The following ZNF202 variants were observed in gnomAD, a reference collection of about 807,000 sequenced individuals.
ZNF202 encodes the protein zinc finger protein with KRAB and SCAN domains 10.
In ZNF202, 22 loss-of-function variants were observed where a neutral mutation model predicts 54.5. That is an observed-to-expected ratio of 0.40 (90% CI 0.29 to 0.58). ZNF202 has a LOEUF of 0.58. Among genes scored for constraint, ZNF202 ranks in the 20% least tolerant of loss-of-function variants. The pLI is 0.39. For synonymous variants in ZNF202, 294 were observed against 301.4 expected (o/e 0.98, Z 0.26); for missense variants, 644 against 805.5 (o/e 0.80, Z 2.43).
At position 123,725,589 on chromosome 11, in the gene ZNF202, G is replaced by A. The variant is rs34067094; in HGVS notation, c.*408C>T. ...AGTAAAGACAGAATCCTTCAGGCTC[G>A]TCCCTTCCCAAACCTAAGGGGCTGT... is the stretch of plus-strand genomic sequence containing the variant. On this transcript the variant is annotated 3_prime_UTR_variant, in exon 9 of 9. Coordinates refer to ENST00000530393, the MANE Select transcript of ZNF202 (RefSeq NM_003455.4). The A allele has an allele frequency of 1.2e-3, 195 of 168,612 alleles. No homozygotes were observed. Among genetic ancestry groups the A allele is most frequent in the African/African-American group, 4.5e-3 (187 of 41,876 alleles). 10.4% of individuals were successfully genotyped at this position (168,612 alleles called of 1,614,324 possible). A position where few individuals can be genotyped will look rare whatever the true frequency, so the allele number is the denominator to read the frequency against.
intron 3 of ZNF202, among the ~76,000 whole-genome samples, chr11:123,736,244 T>C (rs1301703800): frequency 6.6e-6 from 1 of 152,180 alleles, no homozygotes; most frequent in African/African-American, 2.4e-5. Flanking sequence ...CTAGCTAGGG[T>C]GATCTTTCTG....
Position 123,740,152 on chromosome 11 carries a change from C to T in ZNF202, c.-133G>A, listed in dbSNP as rs1861802090. On this transcript the variant is annotated 5_prime_UTR_variant, in exon 3 of 9. It adds an upstream start codon to the 5' untranslated region. Transcript: ENST00000530393. ...CAATTTGCAATGGCTGAGTCCCTCACATTGTGGTAAACCTTGTTGTACCCT... is the reference window on the plus strand; with the variant it reads ...CAATTTGCAATGGCTGAGTCCCTCATATTGTGGTAAACCTTGTTGTACCCT... 1 of 152,196 alleles carries T rather than the reference C, an allele frequency of 6.6e-6. No individual in the cohort carries two copies. The highest frequency in any genetic ancestry group is 1.5e-5 in the Non-Finnish European group (1 of 68,046). 9.4% of individuals were successfully genotyped at this position (152,196 alleles called of 1,614,324 possible).
At chr11:123,739,085 C>T (rs1184953771) in intron 3 of ZNF202, among the ~76,000 whole-genome samples, 1 of 152,198 alleles carries the variant, frequency 6.6e-6, no homozygotes. Context: ...ATTCAATAAA[C>T]GCACATTGAG....
chr11:123,727,012 A>G (rs1420794033), intron 8 of ZNF202, 21 bp from the exon 9 acceptor site: 1 of 1,590,764 alleles, frequency 6.3e-7, no homozygotes, highest in Non-Finnish European at 8.5e-7. Flanking sequence ...GGTGAGAGGA[A>G]AAAGGGGGTC....
chr11:123,729,300 T>C (rs1861297062), intron 5 of ZNF202, 86 bp from the exon 6 acceptor site: 1 of 1,352,506 alleles, frequency 7.4e-7, no homozygotes, highest in Non-Finnish European at 1.0e-6. Context: ...CCATCTTTGG[T>C]AGGAAGGTGG....
At chr11:123,733,203 G>GTCTC (rs1423559318) in intron 3 of ZNF202, among the ~76,000 whole-genome samples, 5 of 152,114 alleles carry the variant, frequency 3.3e-5, no homozygotes, top group Non-Finnish European at 7.4e-5. Flanking sequence ...TAATAGCTGT[G>GTCTC]TCTCATCTAT....
chr11:123,726,709 A>C lies in ZNF202; in HGVS notation c.1235T>G (p.Leu412Arg). The C allele has an allele frequency of 6.2e-7, 1 of 1,614,246 alleles. No homozygotes were observed. The highest frequency in any genetic ancestry group is 2.2e-5 in the East Asian group (1 of 44,884). The change falls in exon 9 of 9, where the codon CTT (leucine) becomes CGT (arginine). Residue 412 changes from leucine (L) to arginine (R), a missense_variant. By Grantham distance (102) the Leu-to-Arg change is moderately radical (BLOSUM62 -2). Coordinates refer to ENST00000530393, the MANE Select transcript of ZNF202 (RefSeq NM_003455.4). The surrounding 1 kb of genome is among the most constrained non-coding windows in gnomAD (Gnocchi z 6.0). The part of the protein sequence containing the change: ...CGKSFTCNSH[L>R]VRHLRTHTGE... ...TGTGTGAGTCCTCAGGTGTCTAACAAGGTGGGAGTTACAAGTGAAGCTCTT... is the reference window on the plus strand; with the variant it reads ...TGTGTGAGTCCTCAGGTGTCTAACACGGTGGGAGTTACAAGTGAAGCTCTT...
At chr11:123,737,154 CA>C (rs1462109717) in intron 3 of ZNF202, among the ~76,000 whole-genome samples, 3 of 151,924 alleles carry the variant, frequency 2.0e-5, no homozygotes, top group African/African-American at 7.3e-5. Flanking sequence ...CACCGAAGAC[CA>C]TATCAGCAAT....
Position 123,726,505 on chromosome 11 carries a change from G to T in ZNF202, c.1439C>A (p.Pro480His). The change falls in exon 9 of 9, where the codon CCC becomes CAC. Residue 480 changes from proline (P) to histidine (H), a missense_variant. Physicochemically the swap from Pro to His is moderately conservative, Grantham distance 77. Around this residue, in one of 3 missense-constraint regions of ZNF202, gnomAD observed 536 missense variants for 635.3 expected, o/e 0.84. Transcript: ENST00000530393. The surrounding 1 kb of genome is among the most constrained non-coding windows in gnomAD (Gnocchi z 6.0). The part of the protein sequence containing the change: ...QAERTPSVEK[P>H]YRCDDCGKHF... The stretch of plus-strand genomic sequence containing the variant: ...CTTTCCGCAATCATCACATCTATAG[G>T]GTTTCTCCACTGATGGAGTTCTCTC... The T allele has an allele frequency of 1.2e-6, 2 of 1,614,204 alleles. No individual in the cohort carries two copies.
At chr11:123,729,929 A>T in intron 4 of ZNF202, 104 bp from the exon 5 acceptor site, 2 of 1,199,930 alleles carry the variant, frequency 1.7e-6, no homozygotes, top group Non-Finnish European at 2.3e-6. Context: ...ACACTCCCAG[A>T]GGGACCCAGA....
At chr11:123,727,625 C>T (rs768306802) in intron 7 of ZNF202, 30 bp from the exon 8 acceptor site, 42 of 1,612,892 alleles carry the variant, frequency 2.6e-5, no homozygotes, top group Middle Eastern at 1.6e-4. Context: ...TAGGATATCA[C>T]GATTGGCTCA....
intron 2 of ZNF202, 27 bp from the exon 3 acceptor site, chr11:123,740,219 C>G (rs1003031131): frequency 6.6e-6 from 1 of 152,186 alleles, no homozygotes; most frequent in African/African-American, 2.4e-5. Context: ...ACACAGAGTA[C>G]AAAAAGGGTA....
At chr11:123,728,702 A>C (rs1565522321) in intron 6 of ZNF202, among the ~76,000 whole-genome samples, 1 of 151,698 alleles carries the variant, frequency 6.6e-6, no homozygotes, top group Non-Finnish European at 1.5e-5. Flanking sequence ...CATGAATTCT[A>C]TTTCTTTTTC....
At chr11:123,733,284 C>T (rs924902800) in intron 3 of ZNF202, among the ~76,000 whole-genome samples, 1 of 152,226 alleles carries the variant, frequency 6.6e-6, no homozygotes. Context: ...GCTTCTAATT[C>T]ATGCTCTTAT....
chr11:123,730,478 C>A lies in ZNF202; in HGVS notation c.402+9G>T. 9.2e-6 allele frequency: 14 copies of A among 1,517,942 alleles called. No homozygotes were observed. The highest frequency in any genetic ancestry group is 1.2e-5 in the Non-Finnish European group (14 of 1,135,102). 94.0% of individuals were successfully genotyped at this position (1,517,942 alleles called of 1,614,324 possible). On this transcript the variant is annotated intron_variant, in intron 4 of 8. Coordinates refer to ENST00000530393, the MANE Select transcript of ZNF202 (RefSeq NM_003455.4). This position sits in a 1 kb window ranked among gnomAD's most constrained non-coding sequence, Gnocchi z 6.0. ...CCACATCACACAGATCAGGACTCCC[C>A]CTCCTCACCCACCGCCTTGGTCTCC...
At chr11:123,732,465 TA>T (rs1861451873) in intron 3 of ZNF202, among the ~76,000 whole-genome samples, 1 of 152,234 alleles carries the variant, frequency 6.6e-6, no homozygotes, top group Non-Finnish European at 1.5e-5. Context: ...AGCTTTTGAA[TA>T]TGCTGTTTCT....
At chr11:123,741,195 T>C (rs1861849233) in intron 1 of ZNF202, among the ~76,000 whole-genome samples, 1 of 152,046 alleles carries the variant, frequency 6.6e-6, no homozygotes, top group Admixed American at 6.5e-5. Flanking sequence ...CTCCCTCGGT[T>C]CCGGGGGGAC....
intron 3 of ZNF202, among the ~76,000 whole-genome samples, chr11:123,732,094 TTC>T (rs1861431336): frequency 2.0e-5 from 3 of 152,176 alleles, no homozygotes; most frequent in Non-Finnish European, 2.9e-5. Flanking sequence ...ACATGGTGTG[TTC>T]TCTTTCTTTT....
intron 3 of ZNF202, among the ~76,000 whole-genome samples, chr11:123,733,813 C>G (rs890944007): frequency 6.6e-6 from 1 of 152,190 alleles, no homozygotes; most frequent in Non-Finnish European, 1.5e-5. Context: ...GTTTGGCCTA[C>G]CCAAGGTTCT....
Sources: allele counts gnomAD v4.1 joint callset (sites outside exome capture counted in the v4.1 genomes callset), GRCh38; gene constraint gnomAD v4.1.1; regional missense constraint gnomAD v4.1.1; non-coding constraint Gnocchi (gnomAD v3.1); transcripts MANE v1.5; gene names NCBI Gene and HGNC (gene_info 2026-07-23, HGNC 2026-07-21).